Variants in ACTN2 observed in about 807,000 individuals in gnomAD.
The protein encoded by ACTN2 is alpha-actinin-2.
Under a neutral mutation model 113.8 loss-of-function variants are expected in ACTN2, and 39 were observed. The observed-to-expected ratio is 0.34, with a 90% CI of 0.27 to 0.45. The LOEUF is 0.45. Among genes scored for constraint, ACTN2 ranks in the 20% least tolerant of loss-of-function variants. The pLI is 1.00. For missense variants in ACTN2, 992 were observed against 1,177.9 expected (o/e 0.84, Z 2.31); for synonymous variants, 429 against 444.1 (o/e 0.97, Z 0.43).
intron 7 of ACTN2, among the ~76,000 whole-genome samples, chr1:236,735,272 G>A (rs1276682902): frequency 2.6e-5 from 4 of 152,164 alleles, no homozygotes; most frequent in African/African-American, 9.7e-5. Context: ...GGGGCCGGGT[G>A]CCCTGATGCG....
At chr1:236,689,465 G>A (rs1666002080) in intron 1 of ACTN2, among the ~76,000 whole-genome samples, 3 of 151,074 alleles carry the variant, frequency 2.0e-5, no homozygotes, top group African/African-American at 7.3e-5. Context: ...TGACCTCCTG[G>A]GCTCAAGTGA....
intron 1 of ACTN2, 69 bp from the exon 2 acceptor site, chr1:236,717,789 T>C: frequency 9.5e-7 from 1 of 1,057,736 alleles, no homozygotes; most frequent in Non-Finnish European, 1.5e-6. Flanking sequence ...AGGTGTCAAG[T>C]GTCGTCTGTG....
rs1013608004 is a variant in ACTN2 at position 236,686,862 on chromosome 1, GCGCGTGGC to G, written c.126+73_126+80del. The G allele has an allele frequency of 1.3e-5, 17 of 1,307,434 alleles. No homozygotes were observed. The African/African-American group carries it at 2.4e-4, about 18-fold the overall frequency. 81.0% of individuals were successfully genotyped at this position (1,307,434 alleles called of 1,614,324 possible). On this transcript the variant is annotated intron_variant, in intron 1 of 20. Transcript: ENST00000366578. Reference sequence around the variant, plus strand: ...GCCGGGTCCCCCGCGGGGCTCCCGTGCGCGTGGCCGCGTGGCCTGGCGACTGGCGAGAG... The same window carrying G: ...GCCGGGTCCCCCGCGGGGCTCCCGTGCGCGTGGCCTGGCGACTGGCGAGAG...
In ACTN2 at chr1:236,737,208, G is replaced by A. The variant is rs116464082; in HGVS notation, c.870G>A (p.Ala290=). ...TGATGGAAGAATATGAGAGGCTAGC[G>A]AGTGAGGTAAAGGAAACTGGTGACC... ...ERLMEEYERL[A]SELLEWIRRT... Residue 290 remains alanine (A), a synonymous_variant, in exon 9 of 21, where the codon GCG becomes GCA. Transcript: ENST00000366578. 1,510 of 1,589,584 alleles carry A rather than the reference G, an allele frequency of 9.5e-4. 14 individuals carry two copies. In the African/African-American group the frequency reaches 0.016, roughly 17 times the overall value.
chr1:236,709,154 G>A (rs1403069293), intron 1 of ACTN2, among the ~76,000 whole-genome samples: 3 of 145,016 alleles, frequency 2.1e-5, no homozygotes, highest in Non-Finnish European at 4.5e-5. Flanking sequence ...AGTGTTGGCC[G>A]GCCTCTTTCT....
chr1:236,737,573 C>A (rs1658927802), intron 9 of ACTN2, among the ~76,000 whole-genome samples: 2 of 150,256 alleles, frequency 1.3e-5, no homozygotes, highest in South Asian at 4.2e-4. Flanking sequence ...TGTTCACTGG[C>A]TACCAACATC....
intron 9 of ACTN2, among the ~76,000 whole-genome samples, chr1:236,737,880 A>G (rs960342538): frequency 2.6e-5 from 4 of 152,186 alleles, no homozygotes; most frequent in Non-Finnish European, 5.9e-5. Flanking sequence ...CTGCATCTGC[A>G]CTGTTTTCCC....
chr1:236,724,371 C>A (rs1002853201), intron 4 of ACTN2, among the ~76,000 whole-genome samples: 4 of 151,976 alleles, frequency 2.6e-5, no homozygotes, highest in Non-Finnish European at 5.9e-5. Flanking sequence ...TGGTGATGGG[C>A]GGGAAGACAC....
chr1:236,721,033 T>TTTTTTTTTG (rs1658378027), intron 4 of ACTN2, among the ~76,000 whole-genome samples: 1 of 108,786 alleles, frequency 9.2e-6, no homozygotes, highest in African/African-American at 3.4e-5. Context: ...TTTTTTTTTT[T>TTTTTTTTTG]TTTTTTTTTT....
chr1:236,727,539 G>T, intron 5 of ACTN2, 139 bp from the exon 6 acceptor site: 6 of 798,284 alleles, frequency 7.5e-6, no homozygotes, highest in Non-Finnish European at 1.3e-5. Flanking sequence ...CTCACCGGGC[G>T]GGGTAAAGAG....
Position 236,686,636 on chromosome 1 carries a change from C to A in ACTN2, c.-38C>A. 1 of 1,532,970 alleles carries A rather than the reference C, an allele frequency of 6.5e-7. No homozygotes were observed. 95.0% of individuals were successfully genotyped at this position (1,532,970 alleles called of 1,614,324 possible). A position where few individuals can be genotyped will look rare whatever the true frequency, so the allele number is the denominator to read the frequency against. Reference sequence around the variant, plus strand: ...TGCCAGTCAGCCCGTGCGTCCGAGCCCCTCGCGCCCCGCCGCAGCCCCGGC... The same window carrying A: ...TGCCAGTCAGCCCGTGCGTCCGAGCACCTCGCGCCCCGCCGCAGCCCCGGC... On this transcript the variant is annotated 5_prime_UTR_variant, in exon 1 of 21. Transcript: ENST00000366578.
At position 236,698,107 on chromosome 1, in the gene ACTN2, C is replaced by A. The variant is rs192616220; in HGVS notation, c.126+11308C>A. ...TTATATTTTCAAAGGAAGCAAAAAACTATGAATTTACTTACGGTGGTGTGC... is the reference window on the plus strand; with the variant it reads ...TTATATTTTCAAAGGAAGCAAAAAAATATGAATTTACTTACGGTGGTGTGC... On this transcript the variant is annotated intron_variant, in intron 1 of 20. Coordinates refer to ENST00000366578, the MANE Select transcript of ACTN2 (RefSeq NM_001103.4). 1.1e-4 allele frequency among the ~76,000 whole-genome samples: 17 copies of A among 151,956 alleles called. No homozygotes were observed. The East Asian group carries it at 2.3e-3, about 21-fold the overall frequency.
At chr1:236,742,846 A>T (rs777417625) in intron 10 of ACTN2, 50 bp from the exon 11 acceptor site, 1 of 1,613,166 alleles carries the variant, frequency 6.2e-7, no homozygotes, top group South Asian at 1.1e-5. Flanking sequence ...CCAGAATGTA[A>T]CGAAGGTGCT....
At chr1:236,749,294 T>C (rs765797006) in intron 14 of ACTN2, 30 bp downstream of exon 14, 2 of 1,613,806 alleles carry the variant, frequency 1.2e-6, no homozygotes, top group East Asian at 2.2e-5. Flanking sequence ...GTATGCCCTA[T>C]GCATTAGAAG....
At chr1:236,732,438 A>T (rs576304836) in intron 7 of ACTN2, among the ~76,000 whole-genome samples, 32 of 150,390 alleles carry the variant, frequency 2.1e-4, no homozygotes, top group African/African-American at 3.2e-4. Flanking sequence ...TTTATTTTTT[A>T]TTTTTTATTT....
intron 1 of ACTN2, among the ~76,000 whole-genome samples, chr1:236,694,925 G>T (rs1657439309): frequency 6.6e-6 from 1 of 151,984 alleles, no homozygotes; most frequent in South Asian, 2.1e-4. Context: ...AAATTAGCCG[G>T]TATGGTGGCG....
chr1:236,702,661 A>G (rs1323092612), intron 1 of ACTN2, among the ~76,000 whole-genome samples: 1 of 152,226 alleles, frequency 6.6e-6, no homozygotes, highest in Non-Finnish European at 1.5e-5. Flanking sequence ...GGAGGAGGAA[A>G]TCCCAGCTTG....
At chr1:236,718,764 G>C in intron 2 of ACTN2, 130 bp from the exon 3 acceptor site, 1 of 1,286,880 alleles carries the variant, frequency 7.8e-7, no homozygotes, top group Non-Finnish European at 1.1e-6. Flanking sequence ...AGAGAGACCA[G>C]GCACACATCA....
intron 2 of ACTN2, 57 bp from the exon 3 acceptor site, chr1:236,718,837 T>C: frequency 6.2e-7 from 1 of 1,613,496 alleles, no homozygotes; most frequent in African/African-American, 1.3e-5. Flanking sequence ...GGCATCTTGA[T>C]TCCGCATCAA....
Sources: gnomAD v4.1 joint callset for allele counts (sites outside exome capture counted in the v4.1 genomes callset) on GRCh38, gnomAD v4.1.1 for gene constraint, MANE v1.5 for transcripts, NCBI Gene and HGNC (gene_info 2026-07-23, HGNC 2026-07-21) for gene names.